Variants in RORA observed in about 807,000 individuals in gnomAD.
RORA encodes the protein RAR related orphan receptor A.
RORA carries 7 observed loss-of-function variants against 69.5 expected under a neutral mutation model. That is an observed-to-expected ratio of 0.10 (90% CI 0.06 to 0.19). RORA has a LOEUF of 0.19. Among genes scored for constraint, RORA ranks in the 10% least tolerant of loss-of-function variants. RORA has a pLI of 1.00. For synonymous variants in RORA, 261 were observed against 240.8 expected, an observed-to-expected ratio of 1.08 and a Z score of -0.78; for missense variants, 457 against 663.0, an observed-to-expected ratio of 0.69 and a Z score of 3.41.
intron 2 of RORA, among the ~76,000 whole-genome samples, chr15:60,655,413 A>C (rs1332009065): frequency 6.6e-6 from 1 of 152,170 alleles, no homozygotes; most frequent in East Asian, 1.9e-4. Context: ...GGCCATGATA[A>C]ACAGCACTTA....
intron 2 of RORA, among the ~76,000 whole-genome samples, chr15:60,610,597 T>G (rs1455960911): frequency 6.6e-6 from 1 of 152,158 alleles, no homozygotes; most frequent in Non-Finnish European, 1.5e-5. Context: ...TAGTTTTTTA[T>G]GAGACCAGCA....
At chr15:60,579,800 C>A (rs775604985) in intron 2 of RORA, among the ~76,000 whole-genome samples, 11 of 152,028 alleles carry the variant, frequency 7.2e-5, no homozygotes, top group Non-Finnish European at 1.3e-4. Flanking sequence ...TAATTTTCAA[C>A]CCTTGATGTC....
At chr15:60,666,152 G>C (rs976842125) in intron 2 of RORA, among the ~76,000 whole-genome samples, 4 of 146,520 alleles carry the variant, frequency 2.7e-5, no homozygotes, top group Non-Finnish European at 3.0e-5. Context: ...TTAAGCCCAA[G>C]GGATACAAAG....
chr15:60,770,988 AC>A (rs2072064520), intron 1 of RORA, among the ~76,000 whole-genome samples: 1 of 152,364 alleles, frequency 6.6e-6, no homozygotes, highest in African/African-American at 2.4e-5. Context: ...AATATTTGGG[AC>A]ATAATTATAT....
chr15:61,152,662 G>A (rs1319831128), intron 1 of RORA, among the ~76,000 whole-genome samples: 2 of 151,994 alleles, frequency 1.3e-5, no homozygotes, highest in Non-Finnish European at 1.5e-5. Context: ...TGCCCTTATA[G>A]AGCTCACATT....
chr15:60,577,061 A>T (rs1362958073), intron 2 of RORA, among the ~76,000 whole-genome samples: 1 of 152,258 alleles, frequency 6.6e-6, no homozygotes, highest in Non-Finnish European at 1.5e-5. Context: ...AAACAAAAAC[A>T]AAAATCTCTG....
chr15:60,838,893 C>CACACACA (rs2073158115), intron 1 of RORA, among the ~76,000 whole-genome samples: 1 of 139,368 alleles, frequency 7.2e-6, no homozygotes, highest in Non-Finnish European at 1.5e-5. Context: ...CACACATATA[C>CACACACA]TTTTTTTTTT....
rs1403741828 is a variant in RORA at position 60,909,700 on chromosome 15, C to T, written c.167-231014G>A. On this transcript the variant is annotated intron_variant, in intron 1 of 10. Transcript: ENST00000335670. The stretch of plus-strand genomic sequence containing the variant: ...ACTAAGCGTGGGTCACATTAGGGGA[C>T]AGAACACTAGCATGGGCTTTTGCCT... 2.0e-5 allele frequency among the ~76,000 whole-genome samples: 3 copies of T among 152,186 alleles called. No individual in the cohort carries two copies. The East Asian group carries it at 5.8e-4, about 29-fold the overall frequency.
intron 1 of RORA, among the ~76,000 whole-genome samples, chr15:61,036,379 G>A (rs944874986): frequency 2.0e-5 from 3 of 152,088 alleles, no homozygotes; most frequent in Non-Finnish European, 4.4e-5. Context: ...TTTACTATAG[G>A]GCGGAAAGCA....
intron 1 of RORA, among the ~76,000 whole-genome samples, chr15:61,097,533 C>T (rs1459293790): frequency 6.6e-6 from 1 of 152,024 alleles, no homozygotes; most frequent in Non-Finnish European, 1.5e-5. Context: ...TCCATCAGAG[C>T]AGGGACTTTT....
chr15:60,643,291 TATG>T (rs1301918711), intron 2 of RORA, among the ~76,000 whole-genome samples: 1 of 152,230 alleles, frequency 6.6e-6, no homozygotes, highest in African/African-American at 2.4e-5. Context: ...ATGTGTGGAA[TATG>T]ATAAGTCTGC....
At chr15:60,776,108 G>A (rs982951100) in intron 1 of RORA, among the ~76,000 whole-genome samples, 28 of 152,150 alleles carry the variant, frequency 1.8e-4, no homozygotes, top group East Asian at 1.3e-3. Context: ...TTGCTGGCTC[G>A]GCTAGAATTG....
intron 1 of RORA, among the ~76,000 whole-genome samples, chr15:60,881,132 T>A (rs1279115600): frequency 6.6e-6 from 1 of 152,252 alleles, no homozygotes; most frequent in Non-Finnish European, 1.5e-5. Context: ...TTCATCATGA[T>A]CTTTGGACCC....
intron 1 of RORA, among the ~76,000 whole-genome samples, chr15:61,120,700 C>CAAAAAAA (rs527369711): frequency 1.8e-5 from 1 of 54,384 alleles, no homozygotes. Context: ...GACTCTGTCT[C>CAAAAAAA]AAAAAAAAAA....
chr15:61,201,321 A>G (rs2079893493), intron 1 of RORA, among the ~76,000 whole-genome samples: 1 of 152,210 alleles, frequency 6.6e-6, no homozygotes, highest in East Asian at 1.9e-4. Flanking sequence ...CTTGTATCCC[A>G]AGGTAGCCAT....
intron 1 of RORA, among the ~76,000 whole-genome samples, chr15:60,860,425 C>G (rs2073426118): frequency 6.6e-6 from 1 of 152,178 alleles, no homozygotes; most frequent in African/African-American, 2.4e-5. Flanking sequence ...GTAATAAGGG[C>G]TCTCAGTCAA....
intron 1 of RORA, among the ~76,000 whole-genome samples, chr15:61,021,966 G>A (rs1895549861): frequency 6.6e-6 from 1 of 152,194 alleles, no homozygotes; most frequent in South Asian, 2.1e-4. Flanking sequence ...ATGGTGCTCT[G>A]CTCAGAATAA....
At chr15:61,059,404 G>GATA (rs570837125) in intron 1 of RORA, among the ~76,000 whole-genome samples, 70 of 152,324 alleles carry the variant, frequency 4.6e-4, no homozygotes, top group African/African-American at 1.7e-3. Context: ...TTCAACTGTA[G>GATA]ATAATATTTA....
chr15:60,999,376 G>A (rs750243108), intron 1 of RORA, among the ~76,000 whole-genome samples: 5 of 152,154 alleles, frequency 3.3e-5, no homozygotes, highest in African/African-American at 4.8e-5. Context: ...ACCATAGGTA[G>A]CCCAGACTAG....
Sources: allele counts gnomAD v4.1 joint callset (sites outside exome capture counted in the v4.1 genomes callset), GRCh38; gene constraint gnomAD v4.1.1; transcripts MANE v1.5; gene names NCBI Gene and HGNC (gene_info 2026-07-23, HGNC 2026-07-21).